The following PNPLA1 variants were observed in gnomAD, a reference collection of about 807,000 sequenced individuals.
PNPLA1 encodes the protein omega-hydroxyceramide transacylase.
Under a neutral mutation model 51.7 loss-of-function variants are expected in PNPLA1, and 36 were observed. That is an observed-to-expected ratio of 0.70 (90% confidence interval 0.53 to 0.92). The LOEUF is 0.92. PNPLA1 is among the 40% of genes least tolerant of loss of function. PNPLA1 has a pLI of 0.00. For synonymous variants in PNPLA1, 293 were observed against 280.1 expected, an observed-to-expected ratio of 1.05 and a Z score of -0.46; for missense variants, 658 against 682.5, an observed-to-expected ratio of 0.96 and a Z score of 0.40.
At chr6:36,269,794 G>A (rs1769852525), upstream of PNPLA1, among the ~76,000 whole-genome samples, 1 of 152,170 alleles carries the variant, frequency 6.6e-6, no homozygotes, top group Non-Finnish European at 1.5e-5. Flanking sequence ...ATAAACAAAG[G>A]GGTGTTTATG....
chr6:36,284,605 G>T (rs554583191), intron 1 of PNPLA1, among the ~76,000 whole-genome samples: 1 of 145,496 alleles, frequency 6.9e-6, no homozygotes, highest in Admixed American at 6.8e-5. Context: ...CCATCCATCC[G>T]GCTGACATTT....
intron 1 of PNPLA1, among the ~76,000 whole-genome samples, chr6:36,285,736 C>T (rs1039634480): frequency 6.6e-6 from 1 of 152,174 alleles, no homozygotes; most frequent in African/African-American, 2.4e-5. Flanking sequence ...ACCGTCCTTG[C>T]CCTCGTGAAG....
intron 1 of PNPLA1, among the ~76,000 whole-genome samples, chr6:36,282,212 G>GAAGGGAAGGAAGGAA (rs1770334163): frequency 9.2e-6 from 1 of 108,632 alleles, no homozygotes; most frequent in Admixed American, 1.0e-4. Flanking sequence ...AAGGAAGGAA[G>GAAGGGAAGGAAGGAA]GGAAGGAAGG....
At chr6:36,277,331 T>G (rs188486983) in intron 1 of PNPLA1, among the ~76,000 whole-genome samples, 2 of 152,170 alleles carry the variant, frequency 1.3e-5, no homozygotes, top group Non-Finnish European at 2.9e-5. Flanking sequence ...GTCAGCTACA[T>G]CCCATGGATT....
chr6:36,255,828 A>T (rs1339956978), intron 1 of PNPLA1, among the ~76,000 whole-genome samples: 1 of 152,244 alleles, frequency 6.6e-6, no homozygotes, highest in Non-Finnish European at 1.5e-5. Flanking sequence ...TCTCTATTGC[A>T]GTTTATAGTT....
rs535611208 is a variant in PNPLA1 at position 36,282,112 on chromosome 6, G to A, written c.206-9208G>A. Among the ~76,000 whole-genome samples the A allele has an allele frequency of 7.7e-3, 816 of 105,728 alleles. 9 individuals are homozygous for A. The highest frequency in any genetic ancestry group is 0.026 in the African/African-American group (701 of 27,172). The allele number at this position is 105,728 out of a possible 152,430, so 69.4% of individuals were successfully genotyped here. On this transcript the variant is annotated intron_variant, in intron 1 of 8. Coordinates refer to ENST00000636260, the MANE Select transcript of PNPLA1 (RefSeq NM_001374623.1). The stretch of plus-strand genomic sequence containing the variant: ...AAGAAGGAAGGAAGGAAGGAAGGAA[G>A]GAAGGAAGGAAGGAAGGAAGGAAGG...
At chr6:36,292,938 G>T in intron 2 of PNPLA1, 123 bp from the exon 3 acceptor site, 1 of 751,694 alleles carries the variant, frequency 1.3e-6, no homozygotes. Flanking sequence ...TTCCCAGTGT[G>T]GCACCTTCAC....
chr6:36,268,160 C>T (rs552216108), upstream of PNPLA1, among the ~76,000 whole-genome samples: 2 of 152,268 alleles, frequency 1.3e-5, no homozygotes, highest in South Asian at 2.1e-4. Flanking sequence ...CTCCTCATGT[C>T]GCATGTGGAT....
rs569342608 is a variant in PNPLA1 at position 36,270,601 on chromosome 6, C to A, written c.142C>A (p.Arg48Ser). 1.3e-6 allele frequency: 2 copies of A among 1,551,526 alleles called. No individual in the cohort carries two copies. The highest frequency in any genetic ancestry group is 1.2e-5 in the South Asian group (1 of 84,066). ...LAPRMLETAH[R>S]FAGTSAGAVI... ...CCCCCGGATGCTGGAAACAGCCCAC[C>A]GCTTTGCGGGGACATCGGCAGGTGC... Residue 48 changes from arginine (R) to serine (S), a missense_variant, in exon 1 of 9, where the codon CGC becomes AGC. By Grantham distance (110) the Arg-to-Ser change is moderately radical. Transcript: ENST00000636260.
intron 5 of PNPLA1, 152 bp from the exon 6 acceptor site, chr6:36,301,709 C>A (rs916541287): frequency 2.7e-6 from 3 of 1,106,540 alleles, no homozygotes; most frequent in African/African-American, 1.6e-5. Context: ...GAAACCATCA[C>A]GTTTGTTTTC....
intron 1 of PNPLA1, among the ~76,000 whole-genome samples, chr6:36,281,233 G>A (rs1414580938): frequency 1.3e-5 from 2 of 152,134 alleles, no homozygotes; most frequent in Non-Finnish European, 2.9e-5. Context: ...AGTGTGAGTG[G>A]GTGTGTACGT....
chr6:36,291,511 G>A lies in PNPLA1; in HGVS notation c.397G>A (p.Val133Met). 1 of 1,607,592 alleles carries A rather than the reference G, an allele frequency of 6.2e-7. No homozygotes were observed. The highest frequency in any genetic ancestry group is 1.1e-5 in the South Asian group (1 of 90,986). The change falls in exon 2 of 9, where the codon GTG becomes ATG. Residue 133 changes from valine to methionine, a missense_variant. Physicochemically the swap from Val to Met is conservative, Grantham distance 21 (BLOSUM62 1). Transcript: ENST00000636260. ...SLTRLTDGEN[V>M]VVSEFTSKEE... ...CACCCGCTTAACGGACGGGGAGAAT[G>A]TGGTGGTTTCAGAGTTCACGTCCAA...
At chr6:36,309,957 C>A (rs1314502615) in intron 8 of PNPLA1, among the ~76,000 whole-genome samples, 3 of 152,144 alleles carry the variant, frequency 2.0e-5, no homozygotes, top group Non-Finnish European at 4.4e-5. Flanking sequence ...AGCTGATATC[C>A]CTGCAGACAA....
intron 7 of PNPLA1, 65 bp from the exon 8 acceptor site, chr6:36,307,522 G>A: frequency 6.3e-7 from 1 of 1,583,504 alleles, no homozygotes; most frequent in African/African-American, 1.3e-5. Flanking sequence ...GAGCTGAGCA[G>A]GCCACCATGT....
At chr6:36,250,341 GCA>G (rs1769393965) in intron 1 of PNPLA1, among the ~76,000 whole-genome samples, 1 of 152,122 alleles carries the variant, frequency 6.6e-6, no homozygotes, top group African/African-American at 2.4e-5. Flanking sequence ...TGATCATGAG[GCA>G]CAGTCACAGG....
At chr6:36,306,627 T>A (rs1220533442) in intron 7 of PNPLA1, among the ~76,000 whole-genome samples, 2 of 152,204 alleles carry the variant, frequency 1.3e-5, no homozygotes, top group African/African-American at 4.8e-5. Flanking sequence ...ACACTGGGGA[T>A]GCTCCTTCTC....
At chr6:36,298,604 T>C (rs1770930906) in intron 5 of PNPLA1, among the ~76,000 whole-genome samples, 1 of 152,202 alleles carries the variant, frequency 6.6e-6, no homozygotes, top group Non-Finnish European at 1.5e-5. Flanking sequence ...TCCCACTTTC[T>C]GTGCTGATGA....
At chr6:36,310,513 A>T (rs146638304) in intron 8 of PNPLA1, among the ~76,000 whole-genome samples, 17 of 152,296 alleles carry the variant, frequency 1.1e-4, no homozygotes, top group African/African-American at 2.9e-4. Context: ...TTTCCACCAT[A>T]AAAGATCCTT....
intron 1 of PNPLA1, among the ~76,000 whole-genome samples, chr6:36,283,677 T>C (rs1464370397): frequency 2.0e-5 from 3 of 152,184 alleles, no homozygotes; most frequent in African/African-American, 7.2e-5. Flanking sequence ...TCTCCTCCTA[T>C]GCCCTAGCTC....
Sources: gnomAD v4.1 joint callset for allele counts (sites outside exome capture counted in the v4.1 genomes callset) on GRCh38, gnomAD v4.1.1 for gene constraint, MANE v1.5 for transcripts, NCBI Gene and HGNC (gene_info 2026-07-23, HGNC 2026-07-21) for gene names.